LMO4: variants seen among roughly 807,000 people sequenced by gnomAD.
The protein encoded by LMO4 is LIM domain transcription factor LMO4.
A neutral mutation model predicts 18.5 loss-of-function variants in LMO4; 3 were observed. That is an observed-to-expected ratio of 0.16 (90% confidence interval 0.07 to 0.42). The LOEUF (loss-of-function observed/expected upper bound fraction) is 0.42. Ranked by LOEUF, LMO4 falls within the 10% of genes least tolerant of loss-of-function variation. The probability of loss-of-function intolerance (pLI) is 0.99; values close to 1 mark genes in which losing one functional copy is unlikely to be tolerated. For missense variants in LMO4, 121 were observed against 219.9 expected (o/e 0.55, Z 2.84); for synonymous variants, 100 against 88.1 (o/e 1.14, Z -0.76).
At chr1:87,331,761 C>T in intron 1 of LMO4, 3 of 505,076 alleles carry the variant, frequency 5.9e-6, no homozygotes, top group Non-Finnish European at 1.0e-5. Flanking sequence ...TCAGCGGCGG[C>T]AAGCGCAGGA....
intron 2 of LMO4, among the ~76,000 whole-genome samples, chr1:87,333,738 G>T (rs1349938801): frequency 6.6e-6 from 1 of 152,248 alleles, no homozygotes; most frequent in East Asian, 1.9e-4. Context: ...TGTTCTTTTA[G>T]AAGTAAATGT....
At chr1:87,339,390 A>G in intron 2 of LMO4, 146 bp from the exon 3 acceptor site, 1 of 602,572 alleles carries the variant, frequency 1.7e-6, no homozygotes, top group East Asian at 2.8e-5. Context: ...GATTATGTAA[A>G]TCACTCAGAA....
chr1:87,333,321 C>T (rs990181673), intron 2 of LMO4, among the ~76,000 whole-genome samples: 3 of 151,348 alleles, frequency 2.0e-5, no homozygotes, highest in African/African-American at 7.3e-5. Flanking sequence ...AAAACCCACA[C>T]GCACACAGTT....
rs1650697614 is a variant in LMO4, at chr1:87,348,525, G to C, written c.*3729G>C. Reference sequence around the variant, plus strand: ...GCTCTGAACGCATGTTAAACAGCCAGCTACTCCCACTTGCAGAGTCTGAGA... The same window carrying C: ...GCTCTGAACGCATGTTAAACAGCCACCTACTCCCACTTGCAGAGTCTGAGA... On this transcript the variant is annotated 3_prime_UTR_variant, in exon 5 of 5. Transcript: ENST00000370544. 7 of 360,380 alleles carry C rather than the reference G, an allele frequency of 1.9e-5. No individual in the cohort carries two copies. Among genetic ancestry groups the C allele is most frequent in the Admixed American group, 1.7e-4 (5 of 29,562 alleles). The allele number at this position is 360,380 out of a possible 1,614,324, so 22.3% of individuals were successfully genotyped here.
Position 87,329,021 on chromosome 1 carries a change from C to G in LMO4, c.-227C>G, listed in dbSNP as rs1650050622. On this transcript the variant is annotated 5_prime_UTR_variant, in exon 1 of 5. Coordinates refer to ENST00000370544, the MANE Select transcript of LMO4 (RefSeq NM_006769.4). The stretch of plus-strand genomic sequence containing the variant: ...GACTGACACTTCTGCTCCCGGCCGC[C>G]CGGCACTTACGCGGGGGCCCCCCAA... 6.6e-6 allele frequency: 1 copy of G among 151,834 alleles called. No individual in the cohort carries two copies. Among genetic ancestry groups the G allele is most frequent in the Admixed American group, 6.5e-5 (1 of 15,274 alleles). The allele number at this position is 151,834 out of a possible 1,614,324, so 9.4% of individuals were successfully genotyped here.
intron 4 of LMO4, among the ~76,000 whole-genome samples, chr1:87,341,843 CAT>C (rs1353662235): frequency 1.3e-5 from 2 of 152,162 alleles, no homozygotes; most frequent in Admixed American, 6.5e-5. Context: ...AGTGCCAAGA[CAT>C]ATAAATGCTT....
In LMO4 at chr1:87,339,629, T is replaced by G; in HGVS notation, c.330T>G (p.Leu110=). ...VMRAQGNVYH[L]KCFTCSTCRN... is the part of the protein sequence containing the mutation. The stretch of plus-strand genomic sequence containing the variant: ...GGGCGCAAGGCAATGTGTATCATCT[T>G]AAGGTAGTATTTGCATCTCTCTTTT... The change falls in exon 3 of 5, where the codon CTT becomes CTG. Residue 110 remains leucine, a synonymous_variant. Transcript: ENST00000370544. 1 of 1,601,586 alleles carries G rather than the reference T, an allele frequency of 6.2e-7. No individual in the cohort carries two copies. The highest frequency in any genetic ancestry group is 8.6e-7 in the Non-Finnish European group (1 of 1,169,056).
intron 2 of LMO4, among the ~76,000 whole-genome samples, chr1:87,335,594 G>A (rs2100777510): frequency 6.6e-6 from 1 of 152,240 alleles, no homozygotes; most frequent in South Asian, 2.1e-4. Context: ...GGGCGAGGGT[G>A]GGGAGAATTG....
At chr1:87,331,877 G>A in intron 1 of LMO4, 136 bp from the exon 2 acceptor site, 2 of 675,464 alleles carry the variant, frequency 3.0e-6, no homozygotes, top group Non-Finnish European at 2.5e-6. Context: ...CCTCCTTCCC[G>A]CCCTTGCCCT....
chr1:87,331,373 A>ACCTTG (rs1650140097), intron 1 of LMO4: 1 of 152,322 alleles, frequency 6.6e-6, no homozygotes, highest in Non-Finnish European at 1.5e-5. Flanking sequence ...CCCTCCCGTC[A>ACCTTG]CCTTGCCTTC....
In LMO4 at chr1:87,348,907, C is replaced by G. The variant is rs1258025409; in HGVS notation, c.*4111C>G. The G allele has an allele frequency of 4.8e-6, 2 of 419,668 alleles. No homozygotes were observed. The highest frequency in any genetic ancestry group is 4.1e-5 in the African/African-American group (2 of 48,634). 26.0% of individuals were successfully genotyped at this position (419,668 alleles called of 1,614,324 possible). On this transcript the variant is annotated 3_prime_UTR_variant, in exon 5 of 5. Coordinates refer to ENST00000370544, the MANE Select transcript of LMO4 (RefSeq NM_006769.4). ...ATTTCCTAAATCACAACTAATAAAG[C>G]AGAGGATGAAAATCAATTGATTCTG...
chr1:87,338,699 C>A (rs994464967), intron 2 of LMO4, among the ~76,000 whole-genome samples: 8 of 152,174 alleles, frequency 5.3e-5, no homozygotes, highest in African/African-American at 1.9e-4. Flanking sequence ...CCCTCCTCCC[C>A]CCATGGCAGA....
chr1:87,331,096 A>G (rs975513506), intron 1 of LMO4: 1 of 100,154 alleles, frequency 1.0e-5, no homozygotes, highest in African/African-American at 4.0e-5. Context: ...TGGAGGAACA[A>G]AGCTTTAGCA....
At chr1:87,339,075 C>T (rs764397924) in intron 2 of LMO4, among the ~76,000 whole-genome samples, 10 of 152,168 alleles carry the variant, frequency 6.6e-5, no homozygotes, top group Non-Finnish European at 8.8e-5. Context: ...ACGGGAGTTT[C>T]AATACACTGA....
intron 4 of LMO4, among the ~76,000 whole-genome samples, chr1:87,343,946 A>T (rs1055730846): frequency 3.3e-5 from 5 of 152,218 alleles, no homozygotes; most frequent in African/African-American, 1.2e-4. Context: ...TGGTAATTGC[A>T]AACAGATTGT....
Position 87,345,113 on chromosome 1 carries a change from G to T in LMO4, c.*317G>T. 1 of 335,528 alleles carries T rather than the reference G, an allele frequency of 3.0e-6. No individual in the cohort carries two copies. Among genetic ancestry groups the T allele is most frequent in the Non-Finnish European group, 5.4e-6 (1 of 185,160 alleles). The allele number at this position is 335,528 out of a possible 1,614,324, so 20.8% of individuals were successfully genotyped here. A position where few individuals can be genotyped will look rare whatever the true frequency, so the allele number is the denominator to read the frequency against. ...AAATGACTAATGAAGCTAATTAAAA[G>T]AAGCATTCAAATCTGCTTTCTACCC... On this transcript the variant is annotated 3_prime_UTR_variant, in exon 5 of 5. Transcript: ENST00000370544.
At chr1:87,334,780 G>A (rs1376983033) in intron 2 of LMO4, among the ~76,000 whole-genome samples, 1 of 152,158 alleles carries the variant, frequency 6.6e-6, no homozygotes, top group Non-Finnish European at 1.5e-5. Flanking sequence ...AGTGTCGATG[G>A]GCAGAGCTGG....
chr1:87,330,120 G>A (rs916868144), intron 1 of LMO4, among the ~76,000 whole-genome samples: 19 of 150,670 alleles, frequency 1.3e-4, no homozygotes, highest in Non-Finnish European at 1.6e-4. Flanking sequence ...GATTTAATCA[G>A]CATTAAGGTA....
At chr1:87,335,244 C>T (rs1259270333) in intron 2 of LMO4, among the ~76,000 whole-genome samples, 1 of 152,234 alleles carries the variant, frequency 6.6e-6, no homozygotes, top group Non-Finnish European at 1.5e-5. Context: ...CCACCCCCAC[C>T]TCGGGCCCGA....
Sources: allele counts gnomAD v4.1 joint callset (sites outside exome capture counted in the v4.1 genomes callset), GRCh38; gene constraint gnomAD v4.1.1; transcripts MANE v1.5; gene names NCBI Gene and HGNC (gene_info 2026-07-23, HGNC 2026-07-21).